CGNL1: variants seen among roughly 807,000 people sequenced by gnomAD.
The protein encoded by CGNL1 is cingulin like 1.
CGNL1 carries 132 observed loss-of-function variants against 141.2 expected under a neutral mutation model. That is an observed-to-expected ratio of 0.93 (90% CI 0.81 to 1.08). The LOEUF is 1.08. Among genes scored for constraint, CGNL1 ranks in the 50% least tolerant of loss-of-function variants. The pLI is 0.00. For missense variants in CGNL1, 1,870 were observed against 1,588.6 expected, an observed-to-expected ratio of 1.18 and a Z score of -3.01; for synonymous variants, 690 against 622.1, an observed-to-expected ratio of 1.11 and a Z score of -1.63.
chr15:57,519,357 G>A (rs1161711044), intron 10 of CGNL1, among the ~76,000 whole-genome samples: 1 of 152,152 alleles, frequency 6.6e-6, no homozygotes, highest in Non-Finnish European at 1.5e-5. Context: ...GGCATTAAAA[G>A]TGTTAAGAGC....
intron 8 of CGNL1, chr15:57,477,463 G>A (rs943511048): frequency 6.6e-6 from 1 of 152,176 alleles, no homozygotes; most frequent in Non-Finnish European, 1.5e-5. Flanking sequence ...AGGCAGTGAG[G>A]TTGTCCGATA....
intron 7 of CGNL1, among the ~76,000 whole-genome samples, chr15:57,460,711 A>T (rs1224320981): frequency 6.6e-6 from 1 of 152,174 alleles, no homozygotes; most frequent in Non-Finnish European, 1.5e-5. Context: ...ACATGGGGAA[A>T]ACTATCCACG....
chr15:57,454,850 A>G (rs2063359807), intron 7 of CGNL1, among the ~76,000 whole-genome samples: 1 of 152,114 alleles, frequency 6.6e-6, no homozygotes, highest in Non-Finnish European at 1.5e-5. Flanking sequence ...ACAAGAAGAT[A>G]TATGTATTTA....
At chr15:57,433,456 A>G (rs1199924190) in intron 1 of CGNL1, among the ~76,000 whole-genome samples, 5 of 152,232 alleles carry the variant, frequency 3.3e-5, no homozygotes, top group African/African-American at 4.8e-5. Context: ...AACTCCTGCA[A>G]TGATGCAGGG....
rs2063149174 is a variant in CGNL1 at position 57,439,123 on chromosome 15, G to A, written c.1124G>A (p.Arg375Gln). The change falls in exon 2 of 19, where the codon CGA becomes CAA. Residue 375 changes from arginine to glutamine, a missense_variant. Coordinates refer to ENST00000281282, the MANE Select transcript of CGNL1 (RefSeq NM_032866.5). The stretch of plus-strand genomic sequence containing the variant: ...CAGAGAAGAGGAAGGTCTGGGAAGC[G>A]AAACAGAATTAATACAGATGACAGG... ...GLQRRGRSGKRNRINTDDRKR... is the reference protein window; with the variant it reads ...GLQRRGRSGKQNRINTDDRKR... 1 of 1,614,176 alleles carries A rather than the reference G, an allele frequency of 6.2e-7. No homozygotes were observed. The highest frequency in any genetic ancestry group is 1.7e-5 in the Admixed American group (1 of 60,012).
At chr15:57,469,230 CA>C (rs2063549472) in intron 8 of CGNL1, among the ~76,000 whole-genome samples, 2 of 151,816 alleles carry the variant, frequency 1.3e-5, no homozygotes, top group African/African-American at 4.8e-5. Context: ...AGAAGAGAGA[CA>C]GCTGACCTGA....
At chr15:57,504,887 C>T (rs2152392964) in intron 8 of CGNL1, among the ~76,000 whole-genome samples, 1 of 152,320 alleles carries the variant, frequency 6.6e-6, no homozygotes, top group Non-Finnish European at 1.5e-5. Context: ...CACAGTGATT[C>T]ATGGGGCCTG....
In CGNL1 at chr15:57,438,974, C is replaced by T. The variant is rs371453290; in HGVS notation, c.975C>T (p.Asn325=). 9.1e-5 allele frequency: 147 copies of T among 1,614,046 alleles called. No homozygotes were observed. The highest frequency in any genetic ancestry group is 1.2e-4 in the Non-Finnish European group (143 of 1,180,044). Reference sequence around the variant, plus strand: ...AGGAATGTGCCATCCATGCCGACAACGTCAATCGTCATGAAAACAGAAGGT... The same window carrying T: ...AGGAATGTGCCATCCATGCCGACAATGTCAATCGTCATGAAAACAGAAGGT... ...DDQECAIHAD[N]VNRHENRRYI... is the part of the protein sequence containing the mutation. The change falls in exon 2 of 19, where the codon AAC becomes AAT. Residue 325 remains asparagine, a synonymous_variant. Coordinates refer to ENST00000281282, the MANE Select transcript of CGNL1 (RefSeq NM_032866.5).
rs1410774239 is a variant in CGNL1 at position 57,524,706 on chromosome 15, G to A, written c.2994G>A (p.Leu998=). The A allele has an allele frequency of 1.2e-6, 2 of 1,614,076 alleles. No individual in the cohort carries two copies. Among genetic ancestry groups the A allele is most frequent in the South Asian group, 1.1e-5 (1 of 91,078 alleles). The change falls in exon 12 of 19, where the codon CTG becomes CTA. Residue 998 remains leucine, a synonymous_variant. Coordinates refer to ENST00000281282, the MANE Select transcript of CGNL1 (RefSeq NM_032866.5). The part of the protein sequence containing the change: ...EMQRQLKEKT[L]EAEKSRLTAM... ...AAAGACAGTTGAAGGAGAAAACGCT[G>A]GAGGCAGAAAAGTCCCGACTGACAG...
intron 1 of CGNL1, among the ~76,000 whole-genome samples, chr15:57,418,759 G>A (rs1478614065): frequency 2.0e-5 from 3 of 152,282 alleles, no homozygotes; most frequent in South Asian, 2.1e-4. Flanking sequence ...CCTGGCAGAA[G>A]AAGAGCAGTG....
Position 57,543,811 on chromosome 15 carries a change from C to A in CGNL1, c.3375+32C>A, listed in dbSNP as rs145550987. The A allele has an allele frequency of 2.7e-3, 4,131 of 1,526,428 alleles. 10 individuals are homozygous for A. Among genetic ancestry groups the A allele is most frequent in the Middle Eastern group, 6.8e-3 (38 of 5,556 alleles). 94.6% of individuals were successfully genotyped at this position (1,526,428 alleles called of 1,614,324 possible). On this transcript the variant is annotated intron_variant, in intron 15 of 18. Transcript: ENST00000281282. ...GCAGCCAGCCTGTGAGCTGCCCCCC[C>A]GTCCATCCGCTAACCCTCCCCCACT...
chr15:57,498,245 G>GTTTTTTT lies in CGNL1; in HGVS notation c.2404-18521_2404-18515dup, dbSNP rs56793548. ...CATACTTAGGTTGATTGGGGAAACA[G>GTTTTTTT]TTTTTTTTTTTTTTTTTTTTGGAGA... On this transcript the variant is annotated intron_variant, in intron 8 of 18. Coordinates refer to ENST00000281282, the MANE Select transcript of CGNL1 (RefSeq NM_032866.5). Among the ~76,000 whole-genome samples the GTTTTTTT allele has an allele frequency of 1.4e-3, 145 of 101,060 alleles. 3 individuals are homozygous for GTTTTTTT. Among genetic ancestry groups the GTTTTTTT allele is most frequent in the East Asian group, 2.1e-3 (6 of 2,854 alleles). 66.3% of individuals were successfully genotyped at this position (101,060 alleles called of 152,430 possible).
intron 7 of CGNL1, among the ~76,000 whole-genome samples, chr15:57,458,059 G>A (rs180769259): frequency 1.2e-4 from 18 of 152,234 alleles, no homozygotes; most frequent in East Asian, 3.9e-4. Flanking sequence ...AGCTTCGTTC[G>A]TTTATGAAGA....
At chr15:57,491,331 T>TTGGTG (rs1567150687) in intron 8 of CGNL1, among the ~76,000 whole-genome samples, 1 of 152,308 alleles carries the variant, frequency 6.6e-6, no homozygotes. Context: ...AACACCCAGT[T>TTGGTG]TGGTGCCTCT....
intron 12 of CGNL1, among the ~76,000 whole-genome samples, chr15:57,525,734 A>G (rs1185251768): frequency 6.6e-6 from 1 of 152,112 alleles, no homozygotes; most frequent in Non-Finnish European, 1.5e-5. Flanking sequence ...CAGTGCTGAA[A>G]CTGTGTAAAA....
chr15:57,416,683 T>G (rs1297545149), intron 1 of CGNL1, among the ~76,000 whole-genome samples: 1 of 152,186 alleles, frequency 6.6e-6, no homozygotes, highest in East Asian at 1.9e-4. Context: ...CACAGATGCT[T>G]TAGTCAGTGC....
At chr15:57,449,494 C>T (rs1474780008) in intron 4 of CGNL1, among the ~76,000 whole-genome samples, 1 of 152,180 alleles carries the variant, frequency 6.6e-6, no homozygotes, top group Non-Finnish European at 1.5e-5. Flanking sequence ...ATACGCCCTC[C>T]ACCACTGTTA....
chr15:57,402,452 A>G (rs1367657827), intron 1 of CGNL1, among the ~76,000 whole-genome samples: 1 of 152,204 alleles, frequency 6.6e-6, no homozygotes, highest in Admixed American at 6.5e-5. Context: ...CCTTTACACC[A>G]ATGCCAAATG....
chr15:57,544,576 A>G lies in CGNL1; in HGVS notation c.3479A>G (p.Asp1160Gly). The change falls in exon 16 of 19, where the codon GAC becomes GGC. Residue 1160 changes from aspartate (D) to glycine (G), a missense_variant. Transcript: ENST00000281282. Reference protein sequence around the residue: ...QMEARIAELEDRLESEERDRA... With the variant: ...QMEARIAELEGRLESEERDRA... ...GAGGCCAGGATCGCGGAGCTGGAGG[A>G]CCGCCTGGAGAGTGAGGAGAGGTGA... 6.3e-7 allele frequency: 1 copy of G among 1,590,654 alleles called. No individual in the cohort carries two copies. Among genetic ancestry groups the G allele is most frequent in the Non-Finnish European group, 8.6e-7 (1 of 1,168,328 alleles).
Sources: gnomAD v4.1 joint callset for allele counts (sites outside exome capture counted in the v4.1 genomes callset) on GRCh38, gnomAD v4.1.1 for gene constraint, MANE v1.5 for transcripts, NCBI Gene and HGNC (gene_info 2026-07-23, HGNC 2026-07-21) for gene names.